The following FAM184A variants were observed in gnomAD, a reference collection of about 807,000 sequenced individuals.
FAM184A encodes protein FAM184A.
A neutral mutation model predicts 143.8 loss-of-function variants in FAM184A; 99 were observed. That is an observed-to-expected ratio of 0.69 (90% CI 0.58 to 0.81). FAM184A has a LOEUF of 0.81. FAM184A is among the 40% of genes least tolerant of loss of function. The probability of loss-of-function intolerance (pLI) is 0.00; values close to 1 mark genes in which losing one functional copy is unlikely to be tolerated. For missense variants in FAM184A, 1,217 were observed against 1,310.5 expected, an observed-to-expected ratio of 0.93 and a Z score of 1.10; for synonymous variants, 427 against 446.4, an observed-to-expected ratio of 0.96 and a Z score of 0.55.
chr6:118,967,440 G>A (rs573597210), intron 14 of FAM184A, among the ~76,000 whole-genome samples: 6 of 152,210 alleles, frequency 3.9e-5, no homozygotes, highest in East Asian at 1.9e-4. Flanking sequence ...CATGTATGAC[G>A]TCATTTTTTC....
chr6:119,122,587 C>T (rs1037178755), intron 1 of FAM184A, among the ~76,000 whole-genome samples: 1 of 152,086 alleles, frequency 6.6e-6, no homozygotes, highest in South Asian at 2.1e-4. Context: ...GAGAAACGTG[C>T]ACATGCACAA....
chr6:119,013,843 G>A (rs759462250), intron 5 of FAM184A, among the ~76,000 whole-genome samples: 5 of 152,106 alleles, frequency 3.3e-5, no homozygotes, highest in Non-Finnish European at 7.4e-5. Flanking sequence ...TCTTAATAGC[G>A]CTGTGGCTCT....
intron 1 of FAM184A, chr6:119,058,096 T>C (rs2114761286): frequency 6.6e-6 from 1 of 150,958 alleles, no homozygotes; most frequent in East Asian, 2.0e-4. Context: ...ATGGCCACAA[T>C]ATTTCCCATC....
intron 1 of FAM184A, among the ~76,000 whole-genome samples, chr6:119,026,066 G>C (rs1185391908): frequency 6.6e-6 from 1 of 152,216 alleles, no homozygotes; most frequent in Non-Finnish European, 1.5e-5. Context: ...CAACACAGGG[G>C]CATCACTTTC....
chr6:119,005,703 G>C (rs1268972484), intron 7 of FAM184A: 1 of 170,972 alleles, frequency 5.8e-6, no homozygotes, highest in Non-Finnish European at 1.3e-5. Context: ...TGACTTCAGA[G>C]CCTATACTCT....
chr6:119,005,434 T>G (rs1784889660), intron 7 of FAM184A: 1 of 152,238 alleles, frequency 6.6e-6, no homozygotes, highest in African/African-American at 2.4e-5. Flanking sequence ...TGTCCTTGTT[T>G]ATATGCTTTT....
At chr6:118,982,823 A>G (rs1784060652) in intron 9 of FAM184A, among the ~76,000 whole-genome samples, 1 of 152,248 alleles carries the variant, frequency 6.6e-6, no homozygotes, top group South Asian at 2.1e-4. Context: ...GAAGTACCAC[A>G]GTGCATAATA....
intron 1 of FAM184A, among the ~76,000 whole-genome samples, chr6:119,111,343 T>C (rs575320811): frequency 6.6e-6 from 1 of 152,110 alleles, no homozygotes; most frequent in Non-Finnish European, 1.5e-5. Flanking sequence ...AGAATGGTGA[T>C]TGACAGGGGC....
chr6:118,971,425 C>T (rs776763485), intron 14 of FAM184A, among the ~76,000 whole-genome samples: 1 of 151,930 alleles, frequency 6.6e-6, no homozygotes, highest in Non-Finnish European at 1.5e-5. Context: ...GTGAAATAAA[C>T]CTAAACAATC....
intron 1 of FAM184A, among the ~76,000 whole-genome samples, chr6:119,132,469 G>T (rs772270756): frequency 1.4e-4 from 21 of 152,184 alleles, no homozygotes; most frequent in Non-Finnish European, 2.5e-4. Context: ...ATTGTCATCT[G>T]GTGCTACAAC....
Position 119,137,802 on chromosome 6 carries a change from C to T in FAM184A, c.-202+11276G>A, listed in dbSNP as rs116655716. ...GTCCTCAGAGCCAAGGCCCTGTCTC[C>T]GATGTCTACGTGCCAGGCTGGCTTG... On this transcript the variant is annotated intron_variant, in intron 1 of 16. Coordinates refer to the FAM184A transcript ENST00000352896. Among the ~76,000 whole-genome samples the T allele has an allele frequency of 3.3e-3, 496 of 152,280 alleles. 2 individuals are homozygous for T. Among genetic ancestry groups the T allele is most frequent in the African/African-American group, 0.011 (454 of 41,558 alleles).
At chr6:119,064,844 T>A (rs930155486) in intron 1 of FAM184A, among the ~76,000 whole-genome samples, 19 of 152,330 alleles carry the variant, frequency 1.2e-4, no homozygotes, top group African/African-American at 4.3e-4. Flanking sequence ...TCCAAATGTT[T>A]TCTACTCTGC....
intron 1 of FAM184A, among the ~76,000 whole-genome samples, chr6:119,100,158 G>T (rs1461011322): frequency 6.6e-6 from 1 of 152,174 alleles, no homozygotes; most frequent in Admixed American, 6.5e-5. Context: ...TGAGAGTATG[G>T]TGGGAGAAAC....
At chr6:118,984,937 C>T (rs758350456) in intron 9 of FAM184A, among the ~76,000 whole-genome samples, 1 of 152,024 alleles carries the variant, frequency 6.6e-6, no homozygotes, top group African/African-American at 2.4e-5. Flanking sequence ...AAAAGTGGTT[C>T]GTTATGAAAA....
rs781459571 is a variant in FAM184A at position 119,024,209 on chromosome 6, G to A, written c.764C>T (p.Ala255Val). 2.5e-6 allele frequency: 4 copies of A among 1,614,220 alleles called. No individual in the cohort carries two copies. Among genetic ancestry groups the A allele is most frequent in the Admixed American group, 1.7e-5 (1 of 60,028 alleles). The change falls in exon 2 of 18, where the codon GCT (alanine) becomes GTT (valine). Residue 255 changes from alanine to valine, a missense_variant. Coordinates refer to ENST00000338891, the MANE Select transcript of FAM184A (RefSeq NM_024581.6). ...AAGCTCACGTTCATAAAAGGACTGA[G>A]CTTTATTCAACTTGCCTTCATAATC... ...IEDYEGKLNK[A>V]QSFYERELDT...
At chr6:119,126,781 T>C (rs916004433) in intron 1 of FAM184A, among the ~76,000 whole-genome samples, 3 of 152,178 alleles carry the variant, frequency 2.0e-5, no homozygotes, top group African/African-American at 7.2e-5. Context: ...AAATCAGGTC[T>C]CACAAATGAA....
intron 7 of FAM184A, among the ~76,000 whole-genome samples, chr6:119,004,772 T>G (rs1283883429): frequency 2.0e-5 from 3 of 152,164 alleles, no homozygotes; most frequent in Non-Finnish European, 4.4e-5. Flanking sequence ...GAGTTTTGCT[T>G]AAAGTGTTTA....
At chr6:119,012,336 A>G (rs1198729076) in intron 5 of FAM184A, among the ~76,000 whole-genome samples, 1 of 152,218 alleles carries the variant, frequency 6.6e-6, no homozygotes, top group African/African-American at 2.4e-5. Context: ...ATTCACGGGT[A>G]TAGTCACACT....
At chr6:119,032,492 G>A (rs572049186) in intron 1 of FAM184A, among the ~76,000 whole-genome samples, 1 of 150,080 alleles carries the variant, frequency 6.7e-6, no homozygotes, top group East Asian at 2.0e-4. Flanking sequence ...TGGGGGAGGG[G>A]GAGAGGGAGA....
Sources: allele counts gnomAD v4.1 joint callset (sites outside exome capture counted in the v4.1 genomes callset), GRCh38; gene constraint gnomAD v4.1.1; transcripts MANE v1.5; gene names NCBI Gene and HGNC (gene_info 2026-07-23, HGNC 2026-07-21).